The following DLC1 variants were observed in gnomAD, a reference collection of about 807,000 sequenced individuals.
The protein encoded by DLC1 is rho GTPase-activating protein 7.
Under a neutral mutation model 140.3 loss-of-function variants are expected in DLC1, and 54 were observed. That is an observed-to-expected ratio of 0.38 (90% confidence interval 0.31 to 0.48). The LOEUF is 0.48. Among genes scored for constraint, DLC1 ranks in the 20% least tolerant of loss-of-function variants. The pLI, the probability that DLC1 is intolerant of heterozygous loss-of-function variation, is 0.96. For synonymous variants in DLC1, 986 were observed against 728.1 expected, an observed-to-expected ratio of 1.35 and a Z score of -5.70; for missense variants, 2,536 against 1,907.0, an observed-to-expected ratio of 1.33 and a Z score of -6.14.
chr8:13,453,428 A>ATATATATATATGTG (rs1563359876), intron 2 of DLC1, among the ~76,000 whole-genome samples: 1 of 30,944 alleles, frequency 3.2e-5, no homozygotes, highest in South Asian at 1.0e-3. Flanking sequence ...ATATATGTGT[A>ATATATATATATGTG]TATATATATG....
chr8:13,350,230 C>G (rs1279086457), intron 4 of DLC1, among the ~76,000 whole-genome samples: 2 of 152,114 alleles, frequency 1.3e-5, no homozygotes, highest in Admixed American at 1.3e-4. Flanking sequence ...TAAACATACC[C>G]TAACGATAGA....
intron 5 of DLC1, among the ~76,000 whole-genome samples, chr8:13,256,150 A>G (rs1011127265): frequency 5.3e-5 from 8 of 152,314 alleles, no homozygotes; most frequent in South Asian, 2.1e-4. Context: ...ATGATTTTCA[A>G]TTGAATGAAT....
At chr8:13,499,022 G>C in intron 2 of DLC1, 27 bp downstream of exon 2, 1 of 1,546,128 alleles carries the variant, frequency 6.5e-7, no homozygotes, top group Non-Finnish European at 8.7e-7. Context: ...AATTTCAAAA[G>C]CCAGAGAATC....
chr8:13,465,874 C>G (rs1022388207), intron 2 of DLC1, among the ~76,000 whole-genome samples: 2 of 152,160 alleles, frequency 1.3e-5, no homozygotes, highest in East Asian at 1.9e-4. Flanking sequence ...CATACCAGAA[C>G]CAGGGTTAGT....
chr8:13,535,685 G>GAA (rs59115159), intron 1 of DLC1, among the ~76,000 whole-genome samples: 1 of 138,726 alleles, frequency 7.2e-6, no homozygotes. Context: ...AAAAAAAAAA[G>GAA]AAAAGAAAAC....
chr8:13,454,533 A>G (rs1193679133), intron 2 of DLC1, among the ~76,000 whole-genome samples: 2 of 152,172 alleles, frequency 1.3e-5, no homozygotes, highest in African/African-American at 4.8e-5. Context: ...ATAATAAAGA[A>G]GGAGGTATAC....
At chr8:13,566,723 CAG>C (rs914973124) in intron 1 of DLC1, 7 of 465,690 alleles carry the variant, frequency 1.5e-5, no homozygotes, top group African/African-American at 5.9e-5. Flanking sequence ...GTGCAGAAGA[CAG>C]GGCAAAATCG....
At chr8:13,360,774 T>C (rs1835185885) in intron 4 of DLC1, among the ~76,000 whole-genome samples, 1 of 152,102 alleles carries the variant, frequency 6.6e-6, no homozygotes, top group Admixed American at 6.5e-5. Flanking sequence ...AAAAATAAAA[T>C]TCATAATCTT....
intron 1 of DLC1, among the ~76,000 whole-genome samples, chr8:13,547,179 T>C (rs73665143): frequency 5.0e-4 from 76 of 152,216 alleles, no homozygotes; most frequent in African/African-American, 1.8e-3. Flanking sequence ...GAAACAATAG[T>C]ATTTTCAATT....
chr8:13,444,489 A>G (rs2116937666), intron 2 of DLC1, among the ~76,000 whole-genome samples: 1 of 152,356 alleles, frequency 6.6e-6, no homozygotes, highest in South Asian at 2.1e-4. Flanking sequence ...GGTCACATTA[A>G]ATGAGTGACA....
chr8:13,444,220 T>C (rs1279818743), intron 2 of DLC1, among the ~76,000 whole-genome samples: 1 of 152,142 alleles, frequency 6.6e-6, no homozygotes, highest in East Asian at 1.9e-4. Context: ...AAATACCTCA[T>C]GTTCTCACTC....
intron 1 of DLC1, among the ~76,000 whole-genome samples, chr8:13,544,265 A>G (rs538899622): frequency 6.6e-6 from 1 of 152,134 alleles, no homozygotes; most frequent in East Asian, 1.9e-4. Context: ...CTTAACTGAC[A>G]AACCCAATAA....
chr8:13,141,866 C>T (rs1228126741), intron 5 of DLC1, among the ~76,000 whole-genome samples: 3 of 152,090 alleles, frequency 2.0e-5, no homozygotes, highest in African/African-American at 4.8e-5. Flanking sequence ...CAACGAATTA[C>T]ACATTTTAAA....
chr8:13,537,040 A>G (rs1339826001), intron 1 of DLC1, among the ~76,000 whole-genome samples: 1 of 152,144 alleles, frequency 6.6e-6, no homozygotes, highest in Non-Finnish European at 1.5e-5. Flanking sequence ...AAAAACTGGG[A>G]TTGATGAAAT....
chr8:13,269,065 G>C (rs1430758603), intron 5 of DLC1, among the ~76,000 whole-genome samples: 2 of 151,846 alleles, frequency 1.3e-5, no homozygotes, highest in African/African-American at 4.8e-5. Flanking sequence ...AGTAGAGACG[G>C]GGTTTCACTG....
In DLC1 at chr8:13,406,446, T is replaced by A. The variant is rs145343237; in HGVS notation, c.1024-4827A>T. On this transcript the variant is annotated intron_variant, in intron 2 of 17. Coordinates refer to ENST00000276297, the MANE Select transcript of DLC1 (RefSeq NM_182643.3). ...TGCAGCTATAAATTTTAAAAAAGTTTATAGTGTCAAATTCTGCCTTACTCT... is the reference window on the plus strand; with the variant it reads ...TGCAGCTATAAATTTTAAAAAAGTTAATAGTGTCAAATTCTGCCTTACTCT... Among the ~76,000 whole-genome samples the A allele has an allele frequency of 4.1e-4, 63 of 152,284 alleles. No individual in the cohort carries two copies. The East Asian group carries it at 0.011, about 26-fold the overall frequency.
At position 13,276,345 on chromosome 8, in the gene DLC1, C is replaced by T. The variant is rs573400291; in HGVS notation, c.1348+28924G>A. On this transcript the variant is annotated intron_variant, in intron 5 of 17. Transcript: ENST00000276297. ...GTCCCTGATGTGATCGCTAAAGGAC[C>T]TCCGGAGAGGGGCTCGCAGGGGGCG... is the stretch of plus-strand genomic sequence containing the variant. The T allele has an allele frequency of 5.6e-5, 85 of 1,527,078 alleles. No individual in the cohort carries two copies. The African/African-American group carries it at 9.7e-4, about 17-fold the overall frequency. The allele number at this position is 1,527,078 out of a possible 1,614,324, so 94.6% of individuals were successfully genotyped here.
At chr8:13,166,949 C>T (rs78094423) in intron 5 of DLC1, among the ~76,000 whole-genome samples, 16,416 of 152,006 alleles carry the variant, frequency 0.11, 1,121 homozygotes, top group Non-Finnish European at 0.16. Flanking sequence ...TCCTGAGAGA[C>T]GGACCCATTT....
At chr8:13,397,133 C>G (rs1837081912) in intron 3 of DLC1, among the ~76,000 whole-genome samples, 1 of 152,052 alleles carries the variant, frequency 6.6e-6, no homozygotes, top group South Asian at 2.1e-4. Flanking sequence ...TCAACTCTGG[C>G]CCAGGGAAGG....
Sources: gnomAD v4.1 joint callset for allele counts (sites outside exome capture counted in the v4.1 genomes callset) on GRCh38, gnomAD v4.1.1 for gene constraint, MANE v1.5 for transcripts, NCBI Gene and HGNC (gene_info 2026-07-23, HGNC 2026-07-21) for gene names.